The following ZBTB16 variants were observed in gnomAD, a reference collection of about 807,000 sequenced individuals.
The protein encoded by ZBTB16 is zinc finger and BTB domain containing 16.
Under a neutral mutation model 56.8 loss-of-function variants are expected in ZBTB16, and 8 were observed. The ratio of observed to expected loss-of-function variants is 0.14; its 90% confidence interval spans 0.08 to 0.25. The LOEUF (loss-of-function observed/expected upper bound fraction) is 0.25, where lower values mean the gene tolerates loss of function less well. ZBTB16 is among the 10% of genes least tolerant of loss of function. The probability of loss-of-function intolerance (pLI) is 1.00; values close to 1 mark genes in which losing one functional copy is unlikely to be tolerated. For synonymous variants in ZBTB16, 363 were observed against 368.5 expected (o/e 0.98, Z 0.17); for missense variants, 625 against 903.0 (o/e 0.69, Z 3.95).
intron 3 of ZBTB16, among the ~76,000 whole-genome samples, chr11:114,158,810 C>A (rs1591727519): frequency 6.6e-6 from 1 of 152,304 alleles, no homozygotes; most frequent in African/African-American, 2.4e-5. Context: ...CACGTTATGT[C>A]CAGCACACTG....
intron 4 of ZBTB16, among the ~76,000 whole-genome samples, chr11:114,195,773 T>G (rs1465202217): frequency 6.6e-6 from 1 of 152,160 alleles, no homozygotes; most frequent in Non-Finnish European, 1.5e-5. Context: ...CATCGCATCA[T>G]CCTGGTCTTC....
rs534874153 is a variant in ZBTB16 at position 114,182,505 on chromosome 11, C to T, written c.1367-4447C>T. ...TGTTTATTTCCTGTAATCCACCTCT[C>T]GGCATATAGCTACTGGACATTCAAA... On this transcript the variant is annotated intron_variant, in intron 3 of 6. Transcript: ENST00000335953. Among the ~76,000 whole-genome samples, 30 of 152,246 alleles carry T rather than the reference C, an allele frequency of 2.0e-4. 1 individual carries two copies. The highest frequency in any genetic ancestry group is 3.8e-4 in the Non-Finnish European group (26 of 68,024).
At chr11:114,139,778 C>T (rs907704878) in intron 2 of ZBTB16, among the ~76,000 whole-genome samples, 1 of 152,128 alleles carries the variant, frequency 6.6e-6, no homozygotes, top group South Asian at 2.1e-4. Flanking sequence ...GAGTGAGTGT[C>T]CGGAAGGCCC....
intron 2 of ZBTB16, 55 bp from the exon 3 acceptor site, chr11:114,156,282 C>T (rs1273261410): frequency 1.3e-6 from 2 of 1,587,646 alleles, no homozygotes; most frequent in Non-Finnish European, 1.7e-6. Flanking sequence ...AGGGGATGGC[C>T]CTGCCTCTTG....
chr11:114,160,127 C>T (rs1169117971), intron 3 of ZBTB16, among the ~76,000 whole-genome samples: 1 of 152,194 alleles, frequency 6.6e-6, no homozygotes, highest in African/African-American at 2.4e-5. Context: ...TGCCCCACCC[C>T]CTCTTGGCGA....
At chr11:114,211,919 A>T (rs1270640297) in intron 4 of ZBTB16, among the ~76,000 whole-genome samples, 2 of 152,134 alleles carry the variant, frequency 1.3e-5, no homozygotes, top group African/African-American at 4.8e-5. Context: ...GCCAGTGTCT[A>T]TTTACAGTGT....
At chr11:114,113,254 A>G (rs1289196523) in intron 2 of ZBTB16, among the ~76,000 whole-genome samples, 1 of 152,300 alleles carries the variant, frequency 6.6e-6, no homozygotes, top group Admixed American at 6.5e-5. Context: ...ATAAGTACAT[A>G]AGTGATTTAC....
chr11:114,161,861 T>C (rs1039847027), intron 3 of ZBTB16, among the ~76,000 whole-genome samples: 1 of 152,134 alleles, frequency 6.6e-6, no homozygotes. Flanking sequence ...ATAAAGCCTG[T>C]TGGAGAACTT....
In ZBTB16 at chr11:114,063,318, G is replaced by A. The variant is rs1397511109; in HGVS notation, c.18G>A (p.Met6Ile). 6.2e-7 allele frequency: 1 copy of A among 1,613,956 alleles called. No homozygotes were observed. Among genetic ancestry groups the A allele is most frequent in the East Asian group, 2.2e-5 (1 of 44,866 alleles). Residue 6 changes from methionine (M) to isoleucine (I), a missense_variant, in exon 2 of 7, where the codon ATG (methionine) becomes ATA (isoleucine). This residue lies in a region of ZBTB16 where 54 missense variants were observed against 159.4 expected (regional missense o/e 0.34). Coordinates refer to ENST00000335953, the MANE Select transcript of ZBTB16 (RefSeq NM_006006.6). This position sits in a 1 kb window ranked among gnomAD's most constrained non-coding sequence, Gnocchi z 6.5. ...GGAGCACCATGGATCTGACAAAAAT[G>A]GGCATGATCCAGCTGCAGAACCCTA... MDLTK[M>I]GMIQLQNPSH...
chr11:114,241,042 A>G (rs1944691594), intron 4 of ZBTB16, among the ~76,000 whole-genome samples: 1 of 152,168 alleles, frequency 6.6e-6, no homozygotes, highest in Non-Finnish European at 1.5e-5. Flanking sequence ...CACAGACACT[A>G]TTCCATCTTC....
chr11:114,108,594 C>G (rs1940886333), intron 2 of ZBTB16, among the ~76,000 whole-genome samples: 1 of 152,188 alleles, frequency 6.6e-6, no homozygotes, highest in Admixed American at 6.5e-5. Context: ...AGACCTGCAG[C>G]TATTAAGAAA....
chr11:114,115,543 C>T (rs990789020), intron 2 of ZBTB16, among the ~76,000 whole-genome samples: 44 of 152,090 alleles, frequency 2.9e-4, no homozygotes, highest in African/African-American at 9.2e-4. Context: ...CAGAAGTTCC[C>T]GCGCTGTGCC....
At chr11:114,145,704 C>T (rs956731751) in intron 2 of ZBTB16, among the ~76,000 whole-genome samples, 14 of 152,106 alleles carry the variant, frequency 9.2e-5, no homozygotes, top group Admixed American at 3.3e-4. Context: ...TGAAAATATT[C>T]TGGAATTTGA....
At chr11:114,158,621 G>A (rs1037060225) in intron 3 of ZBTB16, among the ~76,000 whole-genome samples, 3 of 152,146 alleles carry the variant, frequency 2.0e-5, no homozygotes, top group Admixed American at 1.3e-4. Context: ...GTTACATGGT[G>A]GAAGGAATTT....
intron 3 of ZBTB16, among the ~76,000 whole-genome samples, chr11:114,164,121 C>T (rs1469033364): frequency 1.3e-5 from 2 of 152,188 alleles, no homozygotes; most frequent in Non-Finnish European, 2.9e-5. Flanking sequence ...CTGTACAGTA[C>T]ACTGTGTGCT....
intron 2 of ZBTB16, among the ~76,000 whole-genome samples, chr11:114,089,567 G>T (rs1454150008): frequency 2.0e-5 from 3 of 152,208 alleles, no homozygotes; most frequent in African/African-American, 7.2e-5. Flanking sequence ...GATGGGGGCA[G>T]AATATCAGTC....
At chr11:114,169,583 G>C (rs1401422725) in intron 3 of ZBTB16, among the ~76,000 whole-genome samples, 1 of 152,200 alleles carries the variant, frequency 6.6e-6, no homozygotes, top group Admixed American at 6.5e-5. Context: ...AGGGCCAGTG[G>C]TGTGCAAAGC....
intron 2 of ZBTB16, among the ~76,000 whole-genome samples, chr11:114,152,648 C>T (rs1272949865): frequency 1.3e-5 from 2 of 152,192 alleles, no homozygotes; most frequent in Admixed American, 6.5e-5. Flanking sequence ...GGAATCTCCA[C>T]TGAGTATAGG....
chr11:114,151,157 G>A (rs140839433), intron 2 of ZBTB16, among the ~76,000 whole-genome samples: 2 of 152,160 alleles, frequency 1.3e-5, no homozygotes, highest in African/African-American at 4.8e-5. Flanking sequence ...GGTGGTCATA[G>A]GATCAAAAAG....
Sources: gnomAD v4.1 joint callset for allele counts (sites outside exome capture counted in the v4.1 genomes callset) on GRCh38, gnomAD v4.1.1 for gene constraint, gnomAD v4.1.1 regional missense constraint, Gnocchi (gnomAD v3.1) non-coding constraint, MANE v1.5 for transcripts, NCBI Gene and HGNC (gene_info 2026-07-23, HGNC 2026-07-21) for gene names.